Variants in PTPRR observed in about 807,000 individuals in gnomAD.
PTPRR encodes the protein receptor-type tyrosine-protein phosphatase R.
A neutral mutation model predicts 77.2 loss-of-function variants in PTPRR; 38 were observed. That is an observed-to-expected ratio of 0.49 (90% CI 0.38 to 0.65). PTPRR has a LOEUF of 0.65. Ranked by LOEUF, PTPRR falls within the 30% of genes least tolerant of loss-of-function variation. The pLI, the probability that PTPRR is intolerant of heterozygous loss-of-function variation, is 0.00. For missense variants in PTPRR, 744 were observed against 799.2 expected, an observed-to-expected ratio of 0.93 and a Z score of 0.83; for synonymous variants, 299 against 283.1, an observed-to-expected ratio of 1.06 and a Z score of -0.57.
intron 2 of PTPRR, among the ~76,000 whole-genome samples, chr12:70,768,920 C>G (rs1890898024): frequency 1.3e-5 from 2 of 151,606 alleles, no homozygotes; most frequent in Non-Finnish European, 2.9e-5. Flanking sequence ...ACATGATTAT[C>G]TCAACAGATG....
intron 6 of PTPRR, among the ~76,000 whole-genome samples, chr12:70,734,669 C>CAAGGA (rs942288731): frequency 4.6e-5 from 7 of 152,050 alleles, no homozygotes; most frequent in Non-Finnish European, 8.8e-5. Context: ...AAAGGGAAGG[C>CAAGGA]AAGGAAAGGA....
intron 1 of PTPRR, among the ~76,000 whole-genome samples, chr12:70,906,017 C>T (rs1051204831): frequency 1.3e-5 from 2 of 151,814 alleles, no homozygotes; most frequent in Non-Finnish European, 2.9e-5. Flanking sequence ...TTTGTTAATG[C>T]CTCTCAGGAA....
chr12:70,901,284 T>A (rs912746147), intron 1 of PTPRR, among the ~76,000 whole-genome samples: 1 of 151,450 alleles, frequency 6.6e-6, no homozygotes, highest in Admixed American at 6.6e-5. Flanking sequence ...AAATGAATTG[T>A]CAAAGAGATG....
At chr12:70,642,048 TTG>T (rs902639383) in intron 13 of PTPRR, among the ~76,000 whole-genome samples, 2 of 152,092 alleles carry the variant, frequency 1.3e-5, no homozygotes, top group Non-Finnish European at 2.9e-5. Context: ...TCTTAGAGAG[TTG>T]TGTCTCCTTC....
intron 1 of PTPRR, among the ~76,000 whole-genome samples, chr12:70,903,456 A>C (rs1893573411): frequency 6.6e-6 from 1 of 151,910 alleles, no homozygotes; most frequent in Non-Finnish European, 1.5e-5. Context: ...AGAAAGTATT[A>C]CCATTTGATT....
chr12:70,733,473 AAAAAAAAAG>A (rs1157003093), intron 6 of PTPRR, among the ~76,000 whole-genome samples: 5 of 83,544 alleles, frequency 6.0e-5, no homozygotes, highest in Admixed American at 1.2e-4. Flanking sequence ...ATTATGGCAA[AAAAAAAAAG>A]AAAAAAAAAG....
At chr12:70,853,112 G>A (rs1250391491) in intron 2 of PTPRR, among the ~76,000 whole-genome samples, 1 of 152,124 alleles carries the variant, frequency 6.6e-6, no homozygotes, top group Non-Finnish European at 1.5e-5. Context: ...AGGAGAAACA[G>A]GAACACAAAA....
At chr12:70,841,163 T>A (rs1463605723) in intron 2 of PTPRR, among the ~76,000 whole-genome samples, 3 of 151,902 alleles carry the variant, frequency 2.0e-5, no homozygotes, top group African/African-American at 7.3e-5. Context: ...ATTAGAGGCA[T>A]TAGAATCAGA....
At chr12:70,657,010 G>T (rs575438636) in intron 12 of PTPRR, among the ~76,000 whole-genome samples, 193 bp from the exon 13 acceptor site, 6 of 151,644 alleles carry the variant, frequency 4.0e-5, no homozygotes, top group Non-Finnish European at 8.8e-5. Flanking sequence ...TAGGATGAGA[G>T]GGGTGGGGGG....
At chr12:70,647,027 T>C (rs565758974) in intron 13 of PTPRR, among the ~76,000 whole-genome samples, 7 of 152,278 alleles carry the variant, frequency 4.6e-5, no homozygotes, top group Admixed American at 1.3e-4. Context: ...ATTGGAAGCA[T>C]CTTTTTATCC....
At chr12:70,796,054 G>A (rs1408815041) in intron 2 of PTPRR, among the ~76,000 whole-genome samples, 1 of 150,694 alleles carries the variant, frequency 6.6e-6, no homozygotes. Context: ...CTGCTGAGTA[G>A]CTGGGACTAC....
intron 2 of PTPRR, among the ~76,000 whole-genome samples, chr12:70,821,213 C>CTTTTTTTTTTTTTGTTTTTTT (rs1892003658): frequency 3.1e-5 from 1 of 31,972 alleles, no homozygotes; most frequent in Non-Finnish European, 6.1e-5. Context: ...GGGATCACTG[C>CTTTTTTTTTTTTTGTTTTTTT]TTTTTTTTTT....
At chr12:70,750,680 T>C (rs1054972528) in intron 5 of PTPRR, among the ~76,000 whole-genome samples, 1 of 152,198 alleles carries the variant, frequency 6.6e-6, no homozygotes, top group African/African-American at 2.4e-5. Flanking sequence ...CTTGTGAATA[T>C]GAACTTCCCG....
At chr12:70,845,582 G>C (rs906575207) in intron 2 of PTPRR, among the ~76,000 whole-genome samples, 1 of 152,006 alleles carries the variant, frequency 6.6e-6, no homozygotes, top group Non-Finnish European at 1.5e-5. Context: ...GCTTCTCCCA[G>C]CTCTCCGTAT....
chr12:70,863,927 C>T (rs1023121946), intron 2 of PTPRR, among the ~76,000 whole-genome samples: 28 of 152,162 alleles, frequency 1.8e-4, no homozygotes, highest in African/African-American at 6.8e-4. Flanking sequence ...TTAGTAAATT[C>T]CACTGCCATG....
chr12:70,733,448 A>AAAAAAAAAAAAAAAAAAAAAT, intron 6 of PTPRR, among the ~76,000 whole-genome samples: 1 of 92,242 alleles, frequency 1.1e-5, no homozygotes, highest in Non-Finnish European at 2.2e-5. Flanking sequence ...AAAAAAAAGA[A>AAAAAAAAAAAAAAAAAAAAAT]AGAAAAAAAG....
intron 6 of PTPRR, among the ~76,000 whole-genome samples, chr12:70,715,212 C>T (rs1036590625): frequency 2.0e-5 from 3 of 151,382 alleles, no homozygotes; most frequent in Non-Finnish European, 4.4e-5. Context: ...TGATGCCCCA[C>T]AAGCCGTAAA....
intron 2 of PTPRR, among the ~76,000 whole-genome samples, chr12:70,825,159 T>G (rs1198446237): frequency 6.6e-6 from 1 of 151,968 alleles, no homozygotes; most frequent in Non-Finnish European, 1.5e-5. Flanking sequence ...GGGCCTGTAG[T>G]CCCAACTACT....
chr12:70,837,453 C>A (rs1226289935), intron 2 of PTPRR, among the ~76,000 whole-genome samples: 1 of 152,138 alleles, frequency 6.6e-6, no homozygotes, highest in Non-Finnish European at 1.5e-5. Context: ...CACATTCTTA[C>A]AACATGCTTC....
Sources: gnomAD v4.1 joint callset for allele counts (sites outside exome capture counted in the v4.1 genomes callset) on GRCh38, gnomAD v4.1.1 for gene constraint, MANE v1.5 for transcripts, NCBI Gene and HGNC (gene_info 2026-07-23, HGNC 2026-07-21) for gene names.